The following GALNTL6 variants were observed in gnomAD, a reference collection of about 807,000 sequenced individuals.
GALNTL6 encodes polypeptide N-acetylgalactosaminyltransferase like 6.
A neutral mutation model predicts 73.7 loss-of-function variants in GALNTL6; 46 were observed. That is an observed-to-expected ratio of 0.62 (90% CI 0.49 to 0.80). The LOEUF is 0.80. GALNTL6 is among the 30% of genes least tolerant of loss of function. GALNTL6 has a pLI of 0.00. For missense variants in GALNTL6, 604 were observed against 755.0 expected, an observed-to-expected ratio of 0.80 and a Z score of 2.34; for synonymous variants, 259 against 263.7, an observed-to-expected ratio of 0.98 and a Z score of 0.17.
At chr4:172,002,951 G>A (rs1458416115) in intron 2 of GALNTL6, among the ~76,000 whole-genome samples, 1 of 152,086 alleles carries the variant, frequency 6.6e-6, no homozygotes, top group East Asian at 1.9e-4. Context: ...GCTTTTATAG[G>A]CTACATGTAA....
intron 2 of GALNTL6, among the ~76,000 whole-genome samples, chr4:171,867,989 CTT>C (rs35316583): frequency 1.6e-4 from 22 of 136,720 alleles, no homozygotes; most frequent in African/African-American, 4.4e-4. Flanking sequence ...TTTTGAGGTG[CTT>C]TTTTTTTTTT....
chr4:172,104,637 C>A (rs189961937), intron 2 of GALNTL6, among the ~76,000 whole-genome samples: 119 of 152,188 alleles, frequency 7.8e-4, no homozygotes, highest in Non-Finnish European at 5.7e-4. Flanking sequence ...TATTTTAGAT[C>A]TATGAGTTTT....
intron 2 of GALNTL6, among the ~76,000 whole-genome samples, chr4:172,011,113 A>G (rs530237272): frequency 6.6e-6 from 1 of 152,098 alleles, no homozygotes; most frequent in Non-Finnish European, 1.5e-5. Context: ...TGCAACCTAC[A>G]GATAAGAAAT....
intron 5 of GALNTL6, among the ~76,000 whole-genome samples, chr4:172,449,723 C>A (rs1470747370): frequency 2.6e-5 from 4 of 151,928 alleles, no homozygotes; most frequent in African/African-American, 9.7e-5. Context: ...ATCCTTTATT[C>A]TCTATGTAAG....
At chr4:172,179,285 A>G (rs372078296) in intron 2 of GALNTL6, among the ~76,000 whole-genome samples, 61 of 151,174 alleles carry the variant, frequency 4.0e-4, no homozygotes, top group African/African-American at 1.4e-3. Context: ...GTGTAAAAGT[A>G]TTCCTATTTC....
intron 2 of GALNTL6, among the ~76,000 whole-genome samples, chr4:171,971,743 G>A (rs1284754734): frequency 6.6e-6 from 1 of 152,106 alleles, no homozygotes; most frequent in Non-Finnish European, 1.5e-5. Flanking sequence ...AAAAATATAG[G>A]ATTTTGATAT....
At chr4:172,406,508 A>G (rs924989012) in intron 5 of GALNTL6, among the ~76,000 whole-genome samples, 1 of 152,046 alleles carries the variant, frequency 6.6e-6, no homozygotes, top group African/African-American at 2.4e-5. Context: ...GCTTTAGTCT[A>G]TTAGCTGCAC....
chr4:171,907,256 A>G (rs563987768), intron 2 of GALNTL6, among the ~76,000 whole-genome samples: 2 of 152,202 alleles, frequency 1.3e-5, no homozygotes, highest in Non-Finnish European at 2.9e-5. Flanking sequence ...CCATTGTCTC[A>G]GCCCAAAATC....
chr4:172,077,011 G>A (rs946643513), intron 2 of GALNTL6, among the ~76,000 whole-genome samples: 1 of 152,178 alleles, frequency 6.6e-6, no homozygotes, highest in Non-Finnish European at 1.5e-5. Flanking sequence ...ACCATGTGAA[G>A]AAGGTGCCTA....
intron 7 of GALNTL6, among the ~76,000 whole-genome samples, chr4:172,877,612 T>A (rs896032266): frequency 2.0e-5 from 3 of 151,842 alleles, no homozygotes; most frequent in Non-Finnish European, 4.4e-5. Flanking sequence ...AGTAAACTAG[T>A]CTACCATATG....
intron 5 of GALNTL6, among the ~76,000 whole-genome samples, chr4:172,661,475 A>G (rs556738016): frequency 2.6e-5 from 4 of 152,042 alleles, no homozygotes; most frequent in Non-Finnish European, 5.9e-5. Flanking sequence ...TAAACTGACT[A>G]CACTGGAAAT....
chr4:172,180,530 A>G (rs1021989914), intron 2 of GALNTL6, among the ~76,000 whole-genome samples: 4 of 152,006 alleles, frequency 2.6e-5, no homozygotes, highest in Non-Finnish European at 5.9e-5. Flanking sequence ...GCCCATGCCT[A>G]TGTCCTGTAT....
intron 5 of GALNTL6, among the ~76,000 whole-genome samples, chr4:172,581,567 A>T (rs1560819865): frequency 6.6e-6 from 1 of 152,124 alleles, no homozygotes; most frequent in African/African-American, 2.4e-5. Context: ...CCTCTGTCCC[A>T]ATATGCTTCT....
At chr4:172,957,931 G>C (rs187789519) in intron 10 of GALNTL6, among the ~76,000 whole-genome samples, 1 of 152,120 alleles carries the variant, frequency 6.6e-6, no homozygotes, top group African/African-American at 2.4e-5. Flanking sequence ...GTCTGTTCAG[G>C]GTGAGGAACA....
At chr4:171,824,952 A>G (rs933449324) in intron 2 of GALNTL6, among the ~76,000 whole-genome samples, 3 of 152,192 alleles carry the variant, frequency 2.0e-5, no homozygotes, top group Non-Finnish European at 2.9e-5. Context: ...TTAGATTTCA[A>G]CAGAGAATGT....
intron 2 of GALNTL6, among the ~76,000 whole-genome samples, chr4:172,119,919 A>T (rs1733099948): frequency 6.6e-6 from 1 of 152,194 alleles, no homozygotes; most frequent in Non-Finnish European, 1.5e-5. Context: ...TGACTTAAAC[A>T]TTGTGCACCT....
intron 2 of GALNTL6, among the ~76,000 whole-genome samples, chr4:171,988,864 A>T (rs1740215783): frequency 1.3e-5 from 2 of 152,046 alleles, no homozygotes; most frequent in African/African-American, 2.4e-5. Flanking sequence ...GAGGTGTCTT[A>T]TACTTGTGGC....
intron 2 of GALNTL6, among the ~76,000 whole-genome samples, chr4:172,221,495 A>G (rs1215808125): frequency 6.6e-6 from 1 of 151,734 alleles, no homozygotes; most frequent in Non-Finnish European, 1.5e-5. Context: ...TTTTGAAACA[A>G]TCTTTATTTG....
At chr4:172,287,464 A>C (rs1236042484) in intron 3 of GALNTL6, among the ~76,000 whole-genome samples, 4 of 152,242 alleles carry the variant, frequency 2.6e-5, no homozygotes, top group Non-Finnish European at 5.9e-5. Context: ...TGTTTTATTT[A>C]TCAGTACCTG....
Sources: gnomAD v4.1 joint callset for allele counts (sites outside exome capture counted in the v4.1 genomes callset) on GRCh38, gnomAD v4.1.1 for gene constraint, MANE v1.5 for transcripts, NCBI Gene and HGNC (gene_info 2026-07-23, HGNC 2026-07-21) for gene names.